PDGFD: variants seen among roughly 807,000 people sequenced by gnomAD.
PDGFD encodes the protein platelet-derived growth factor D.
In PDGFD, 30 loss-of-function variants were observed where a neutral mutation model predicts 44.7. That is an observed-to-expected ratio of 0.67 (90% CI 0.50 to 0.91). The LOEUF (loss-of-function observed/expected upper bound fraction) is 0.91. Ranked by LOEUF, PDGFD falls within the 40% of genes least tolerant of loss-of-function variation. The probability of loss-of-function intolerance (pLI) is 0.00; values close to 1 mark genes in which losing one functional copy is unlikely to be tolerated. For missense variants in PDGFD, 445 were observed against 457.8 expected (o/e 0.97, Z 0.25); for synonymous variants, 173 against 168.4 (o/e 1.03, Z -0.21).
At chr11:104,043,529 T>A (rs1202686188) in intron 1 of PDGFD, among the ~76,000 whole-genome samples, 2 of 152,206 alleles carry the variant, frequency 1.3e-5, no homozygotes, top group Non-Finnish European at 2.9e-5. Flanking sequence ...AGGGGCTTAA[T>A]CCTGGAGTAC....
At chr11:104,110,308 T>A (rs1455596838) in intron 1 of PDGFD, among the ~76,000 whole-genome samples, 1 of 151,864 alleles carries the variant, frequency 6.6e-6, no homozygotes, top group African/African-American at 2.4e-5. Flanking sequence ...TTAAAAATTT[T>A]TAAAAATTAA....
At chr11:104,119,786 A>G (rs1424756445) in intron 1 of PDGFD, among the ~76,000 whole-genome samples, 1 of 115,080 alleles carries the variant, frequency 8.7e-6, no homozygotes, top group Non-Finnish European at 1.6e-5. Context: ...TATAATATAT[A>G]AGAAATTATA....
At chr11:104,097,912 A>G (rs1861309119) in intron 1 of PDGFD, among the ~76,000 whole-genome samples, 1 of 152,144 alleles carries the variant, frequency 6.6e-6, no homozygotes, top group African/African-American at 2.4e-5. Flanking sequence ...TTTTAATTCT[A>G]CGGCAAATTT....
chr11:103,916,857 T>A (rs1858134277), intron 6 of PDGFD, among the ~76,000 whole-genome samples: 1 of 152,098 alleles, frequency 6.6e-6, no homozygotes, highest in Non-Finnish European at 1.5e-5. Flanking sequence ...CAACACCACA[T>A]GTTCTCACTT....
Position 104,152,526 on chromosome 11 carries a change from T to C in PDGFD, c.124+11278A>G, listed in dbSNP as rs552136029. Among the ~76,000 whole-genome samples the C allele has an allele frequency of 2.6e-5, 4 of 152,278 alleles. No individual in the cohort carries two copies. In the East Asian group the frequency reaches 7.7e-4, roughly 29 times the overall value. Reference sequence around the variant, plus strand: ...TTAAGACTTGTTTCCTCATCCTTAATTTATTTTTACCTCTTTTTTGAACCC... The same window carrying C: ...TTAAGACTTGTTTCCTCATCCTTAACTTATTTTTACCTCTTTTTTGAACCC... On this transcript the variant is annotated intron_variant, in intron 1 of 6. Coordinates refer to ENST00000393158, the MANE Select transcript of PDGFD (RefSeq NM_025208.5).
intron 1 of PDGFD, among the ~76,000 whole-genome samples, chr11:104,159,306 C>T (rs1862356003): frequency 6.6e-6 from 1 of 152,128 alleles, no homozygotes; most frequent in Non-Finnish European, 1.5e-5. Context: ...TCATCTTAAT[C>T]CTTTTAGAAA....
intron 1 of PDGFD, among the ~76,000 whole-genome samples, chr11:104,103,462 G>GTGTGTATATATATATATATATA (rs1041388346): frequency 7.5e-6 from 1 of 133,262 alleles, no homozygotes; most frequent in Admixed American, 7.8e-5. Context: ...GTGTGTGTGT[G>GTGTGTATATATATATATATATA]TATATATATA....
intron 1 of PDGFD, among the ~76,000 whole-genome samples, chr11:104,088,159 G>A (rs1861161630): frequency 1.3e-5 from 2 of 152,304 alleles, no homozygotes; most frequent in South Asian, 2.1e-4. Flanking sequence ...CAGGGTTTAT[G>A]TCTGGTTTCT....
chr11:103,998,618 G>A (rs775634943), intron 2 of PDGFD, among the ~76,000 whole-genome samples: 11 of 152,134 alleles, frequency 7.2e-5, no homozygotes, highest in Non-Finnish European at 1.5e-4. Context: ...CTTGAGTTTT[G>A]TGAGCTGTTC....
At chr11:104,015,305 C>G (rs1212741406) in intron 1 of PDGFD, among the ~76,000 whole-genome samples, 2 of 152,144 alleles carry the variant, frequency 1.3e-5, no homozygotes, top group Admixed American at 1.3e-4. Flanking sequence ...AAACAAGATT[C>G]TCTTTTCTTC....
intron 1 of PDGFD, among the ~76,000 whole-genome samples, chr11:104,033,662 C>A (rs1163977970): frequency 6.6e-6 from 1 of 151,812 alleles, no homozygotes; most frequent in Non-Finnish European, 1.5e-5. Flanking sequence ...TTAAAAAAAA[C>A]AAAAGCCCCA....
chr11:103,988,419 G>GTCAT (rs1445156524), intron 3 of PDGFD, among the ~76,000 whole-genome samples: 1 of 151,922 alleles, frequency 6.6e-6, no homozygotes, highest in African/African-American at 2.4e-5. Context: ...ACATCGGGGA[G>GTCAT]TCATCTGCTC....
At chr11:103,938,839 A>G (rs1858534926) in intron 5 of PDGFD, among the ~76,000 whole-genome samples, 1 of 152,096 alleles carries the variant, frequency 6.6e-6, no homozygotes, top group East Asian at 1.9e-4. Context: ...TGTTTTTCTC[A>G]GGTTTGTCAA....
intron 1 of PDGFD, among the ~76,000 whole-genome samples, chr11:104,066,902 T>G (rs1466604196): frequency 6.6e-6 from 1 of 152,170 alleles, no homozygotes. Context: ...ATTTGCTTTG[T>G]ACATCTCCAA....
chr11:104,154,018 G>T (rs1862275954), intron 1 of PDGFD, among the ~76,000 whole-genome samples: 1 of 151,834 alleles, frequency 6.6e-6, no homozygotes. Context: ...ACAATATAAG[G>T]GAAACAAACC....
At chr11:104,080,828 T>C (rs551484058) in intron 1 of PDGFD, among the ~76,000 whole-genome samples, 33 of 152,356 alleles carry the variant, frequency 2.2e-4, no homozygotes, top group African/African-American at 7.5e-4. Context: ...AATTGCTCGC[T>C]CTGGTTGGAA....
chr11:104,113,372 AT>A (rs1320318685), intron 1 of PDGFD, among the ~76,000 whole-genome samples: 40 of 152,128 alleles, frequency 2.6e-4, no homozygotes, highest in Admixed American at 2.6e-3. Context: ...ATATAGTCTA[AT>A]AACAGAATAA....
At chr11:103,958,969 A>G (rs957268409) in intron 3 of PDGFD, among the ~76,000 whole-genome samples, 1 of 152,216 alleles carries the variant, frequency 6.6e-6, no homozygotes, top group Admixed American at 6.5e-5. Flanking sequence ...TACCATTTGA[A>G]GTCTAAAAGC....
At chr11:103,944,702 T>C (rs1373289989) in intron 4 of PDGFD, among the ~76,000 whole-genome samples, 2 of 152,204 alleles carry the variant, frequency 1.3e-5, no homozygotes, top group Admixed American at 6.5e-5. Flanking sequence ...CCACAATTTA[T>C]AACCTTACTC....
Sources: gnomAD v4.1 joint callset for allele counts (sites outside exome capture counted in the v4.1 genomes callset) on GRCh38, gnomAD v4.1.1 for gene constraint, MANE v1.5 for transcripts, NCBI Gene and HGNC (gene_info 2026-07-23, HGNC 2026-07-21) for gene names.